NEURL1: variants seen among roughly 807,000 people sequenced by gnomAD.
NEURL1 encodes the protein neuralized E3 ubiquitin protein ligase 1.
Under a neutral mutation model 41.2 loss-of-function variants are expected in NEURL1, and 26 were observed. That is an observed-to-expected ratio of 0.63 (90% confidence interval 0.46 to 0.87). NEURL1 has a LOEUF of 0.87. NEURL1 is among the 40% of genes least tolerant of loss of function. The pLI is 0.00. For missense variants in NEURL1, 761 were observed against 871.1 expected, an observed-to-expected ratio of 0.87 and a Z score of 1.59; for synonymous variants, 400 against 402.3, an observed-to-expected ratio of 0.99 and a Z score of 0.07.
chr10:103,534,140 G>C (rs1300013826), intron 1 of NEURL1, among the ~76,000 whole-genome samples: 1 of 147,594 alleles, frequency 6.8e-6, no homozygotes, highest in Non-Finnish European at 1.5e-5. Flanking sequence ...CTTTCACATC[G>C]TGAATTGTTT....
chr10:103,589,402 C>T (rs2035990246), intron 4 of NEURL1, 112 bp from the exon 5 acceptor site: 4 of 1,229,508 alleles, frequency 3.3e-6, no homozygotes, highest in Non-Finnish European at 4.5e-6. Context: ...GCTCTTGGCC[C>T]TGTGGCTGGG....
At position 103,545,134 on chromosome 10, in the gene NEURL1, A is replaced by G. The variant is rs2034900278; in HGVS notation, c.86-25738A>G. Among the ~76,000 whole-genome samples, 1 of 152,230 alleles carries G rather than the reference A, an allele frequency of 6.6e-6. No homozygotes were observed. Among genetic ancestry groups the G allele is most frequent in the Admixed American group, 6.5e-5 (1 of 15,286 alleles). On this transcript the variant is annotated intron_variant, in intron 1 of 5. Transcript: ENST00000369780. This position sits in a 1 kb window ranked among gnomAD's most constrained non-coding sequence, Gnocchi z 4.5. The stretch of plus-strand genomic sequence containing the variant: ...CACGGATGAATGTGCAAATTGTGAG[A>G]TGGGGCAGCTGCAGGGAACAGCTAG...
chr10:103,500,118 G>T (rs1282758529), intron 1 of NEURL1, among the ~76,000 whole-genome samples: 1 of 152,178 alleles, frequency 6.6e-6, no homozygotes, highest in Non-Finnish European at 1.5e-5. Context: ...AGAGTGACTG[G>T]CTGCGTCAGC....
intron 1 of NEURL1, chr10:103,550,987 T>C (rs1218437570): frequency 6.6e-6 from 1 of 152,234 alleles, no homozygotes; most frequent in Admixed American, 6.5e-5. Flanking sequence ...TATTTACTTA[T>C]AGCCTCTCCA....
intron 3 of NEURL1, among the ~76,000 whole-genome samples, chr10:103,575,992 A>T (rs1396438527): frequency 2.6e-5 from 4 of 152,354 alleles, no homozygotes; most frequent in African/African-American, 9.6e-5. Flanking sequence ...GAGCCCACTT[A>T]CAGGGTGCTC....
chr10:103,567,320 G>T (rs764722278), intron 1 of NEURL1, among the ~76,000 whole-genome samples: 4 of 151,878 alleles, frequency 2.6e-5, no homozygotes, highest in Non-Finnish European at 5.9e-5. Context: ...TATAGGTTAT[G>T]AGTATTTTTT....
At chr10:103,569,040 C>G (rs1029931523) in intron 1 of NEURL1, among the ~76,000 whole-genome samples, 1 of 152,210 alleles carries the variant, frequency 6.6e-6, no homozygotes, top group East Asian at 1.9e-4. Flanking sequence ...GTCTCGAACT[C>G]CTGACCTCAG....
intron 3 of NEURL1, among the ~76,000 whole-genome samples, chr10:103,574,172 G>A (rs1043581401): frequency 1.3e-5 from 2 of 152,162 alleles, no homozygotes; most frequent in Admixed American, 6.5e-5. Context: ...TGGGGGCCAA[G>A]GGCAACCCAG....
At chr10:103,574,989 ATTT>A (rs35652840) in intron 3 of NEURL1, among the ~76,000 whole-genome samples, 2 of 145,064 alleles carry the variant, frequency 1.4e-5, no homozygotes, top group Non-Finnish European at 3.0e-5. Flanking sequence ...TTCTTCCTGA[ATTT>A]TTTTTTTTTT....
chr10:103,541,261 A>C (rs570459394), intron 1 of NEURL1, among the ~76,000 whole-genome samples: 9 of 152,294 alleles, frequency 5.9e-5, no homozygotes, highest in African/African-American at 2.2e-4. Flanking sequence ...ACATACATAC[A>C]TACATGCCTA....
intron 1 of NEURL1, among the ~76,000 whole-genome samples, chr10:103,560,935 C>T (rs889218578): frequency 2.6e-5 from 4 of 152,230 alleles, no homozygotes; most frequent in African/African-American, 7.2e-5. Flanking sequence ...CTTAAAACAA[C>T]AAACATTTAA....
At chr10:103,509,534 G>T (rs1281192564) in intron 1 of NEURL1, among the ~76,000 whole-genome samples, 1 of 152,176 alleles carries the variant, frequency 6.6e-6, no homozygotes, top group African/African-American at 2.4e-5. Flanking sequence ...ATTGCACGAT[G>T]ATGTTATCAT....
At position 103,494,153 on chromosome 10, in the gene NEURL1, T is replaced by C. The variant is rs2033621441; in HGVS notation, c.-235T>C. 2 of 443,124 alleles carry C rather than the reference T, an allele frequency of 4.5e-6. No individual in the cohort carries two copies. Among genetic ancestry groups the C allele is most frequent in the African/African-American group, 2.1e-5 (1 of 47,054 alleles). 27.4% of individuals were successfully genotyped at this position (443,124 alleles called of 1,614,324 possible). A position where few individuals can be genotyped will look rare whatever the true frequency, so the allele number is the denominator to read the frequency against. ...TGGCCCCCGCTCCCGCCACGGGGCATGGGAGGCAGGTAGCCCAGCCTGCGC... is the reference window on the plus strand; with the variant it reads ...TGGCCCCCGCTCCCGCCACGGGGCACGGGAGGCAGGTAGCCCAGCCTGCGC... On this transcript the variant is annotated 5_prime_UTR_variant, in exon 1 of 6. The change abolishes an upstream ATG in the 5' untranslated region. Transcript: ENST00000369780.
chr10:103,573,069 A>T (rs1372561426), intron 3 of NEURL1, among the ~76,000 whole-genome samples: 2 of 152,230 alleles, frequency 1.3e-5, no homozygotes, highest in East Asian at 3.9e-4. Context: ...TTGAGCAAAA[A>T]GTCAGTGATA....
At chr10:103,510,350 T>A (rs1480355334) in intron 1 of NEURL1, among the ~76,000 whole-genome samples, 1 of 152,226 alleles carries the variant, frequency 6.6e-6, no homozygotes, top group East Asian at 1.9e-4. Flanking sequence ...GTCAAATCCA[T>A]GGTGACAGGA....
chr10:103,530,144 A>G (rs1296099517), intron 1 of NEURL1, among the ~76,000 whole-genome samples: 2 of 152,150 alleles, frequency 1.3e-5, no homozygotes, highest in South Asian at 4.1e-4. Context: ...CTCAAAAAAA[A>G]CCAACTTTTT....
At chr10:103,555,276 C>A in intron 1 of NEURL1, 1 of 1,132,354 alleles carries the variant, frequency 8.8e-7, no homozygotes, top group Non-Finnish European at 1.1e-6. Flanking sequence ...GGTCTCCGCC[C>A]GCGGGGGAGG....
At chr10:103,497,014 G>A (rs936205241) in intron 1 of NEURL1, among the ~76,000 whole-genome samples, 15 of 152,080 alleles carry the variant, frequency 9.9e-5, no homozygotes, top group African/African-American at 3.1e-4. Flanking sequence ...TTTTGATCCC[G>A]CCCCTACTAA....
At position 103,588,178 on chromosome 10, in the gene NEURL1, C is replaced by T. The variant is rs535702732; in HGVS notation, c.1340-1336C>T. Among the ~76,000 whole-genome samples, 44 of 151,958 alleles carry T rather than the reference C, an allele frequency of 2.9e-4. 1 individual carries two copies. In the South Asian group the frequency reaches 8.7e-3, roughly 30 times the overall value. On this transcript the variant is annotated intron_variant, in intron 4 of 5. Transcript: ENST00000369780. ...AAAATTAGCTGGGCCTGGTGGCAGG[C>T]GCCTGTAGTCCCAGCTACTCAGGAG...
Sources: gnomAD v4.1 joint callset for allele counts (sites outside exome capture counted in the v4.1 genomes callset) on GRCh38, gnomAD v4.1.1 for gene constraint, Gnocchi (gnomAD v3.1) non-coding constraint, MANE v1.5 for transcripts, NCBI Gene and HGNC (gene_info 2026-07-23, HGNC 2026-07-21) for gene names.